CADPS2: variants seen among roughly 807,000 people sequenced by gnomAD.
The protein encoded by CADPS2 is calcium-dependent secretion activator 2.
Under a neutral mutation model 172.5 loss-of-function variants are expected in CADPS2, and 93 were observed. The ratio of observed to expected loss-of-function variants is 0.54; its 90% confidence interval spans 0.46 to 0.64. The LOEUF (loss-of-function observed/expected upper bound fraction) is 0.64, where lower values mean the gene tolerates loss of function less well. Ranked by LOEUF, CADPS2 falls within the 30% of genes least tolerant of loss-of-function variation. CADPS2 has a pLI of 0.00. For synonymous variants in CADPS2, 546 were observed against 555.2 expected, an observed-to-expected ratio of 0.98 and a Z score of 0.23; for missense variants, 1,420 against 1,565.9, an observed-to-expected ratio of 0.91 and a Z score of 1.57.
chr7:122,449,780 A>G lies in CADPS2; in HGVS notation c.2288+1594T>C, dbSNP rs190530059. 2.9e-3 allele frequency among the ~76,000 whole-genome samples: 449 copies of G among 152,312 alleles called. 1 individual carries two copies. Among genetic ancestry groups the G allele is most frequent in the African/African-American group, 9.8e-3 (409 of 41,570 alleles). On this transcript the variant is annotated intron_variant, in intron 15 of 29. Coordinates refer to ENST00000449022, the MANE Select transcript of CADPS2 (RefSeq NM_017954.11). ...ATGCTATCTACAACAGTGTTTCCTA[A>G]TGTAAATTTACTGGCCTTTTTGGGC...
chr7:122,765,744 AT>A (rs2093528749), intron 1 of CADPS2, among the ~76,000 whole-genome samples: 1 of 152,150 alleles, frequency 6.6e-6, no homozygotes, highest in Non-Finnish European at 1.5e-5. Flanking sequence ...ATCTAAACTC[AT>A]TTAATCATCA....
At position 122,663,517 on chromosome 7, in the gene CADPS2, G is replaced by C; in HGVS notation, c.506C>G (p.Ser169Cys). The change falls in exon 3 of 30, where the codon TCT becomes TGT. Residue 169 changes from serine (S) to cysteine (C), a missense_variant. Ser to Cys is a moderately radical substitution (Grantham distance 112). Coordinates refer to ENST00000449022, the MANE Select transcript of CADPS2 (RefSeq NM_017954.11). ...VARMVQSGGCSANDFREVFKK... is the reference protein window; with the variant it reads ...VARMVQSGGCCANDFREVFKK... ...AAATACTTCTCTGAAGTCATTAGCA[G>C]AACACCCTCCACTCTGTACCATTCT... 1.2e-6 allele frequency: 2 copies of C among 1,606,954 alleles called. No homozygotes were observed. The highest frequency in any genetic ancestry group is 1.7e-6 in the Non-Finnish European group (2 of 1,176,000).
chr7:122,506,183 T>A (rs888414593), intron 9 of CADPS2, among the ~76,000 whole-genome samples: 21 of 152,340 alleles, frequency 1.4e-4, no homozygotes, highest in African/African-American at 5.0e-4. Flanking sequence ...TTTGACCTAT[T>A]CTGATCCGGT....
At chr7:122,773,596 T>C (rs2139149835) in intron 1 of CADPS2, among the ~76,000 whole-genome samples, 1 of 152,186 alleles carries the variant, frequency 6.6e-6, no homozygotes, top group African/African-American at 2.4e-5. Context: ...CAAAAAAGGC[T>C]TCCTAAAAGA....
intron 1 of CADPS2, among the ~76,000 whole-genome samples, chr7:122,769,723 G>A (rs1217262585): frequency 6.6e-6 from 1 of 152,140 alleles, no homozygotes; most frequent in East Asian, 1.9e-4. Flanking sequence ...GGGCAATACG[G>A]GATCGCACAA....
chr7:122,763,577 C>G (rs2093457829), intron 1 of CADPS2, among the ~76,000 whole-genome samples: 1 of 152,176 alleles, frequency 6.6e-6, no homozygotes, highest in South Asian at 2.1e-4. Flanking sequence ...TAAAGGTAAA[C>G]TCCATTATTC....
intron 14 of CADPS2, among the ~76,000 whole-genome samples, chr7:122,462,896 T>C (rs1461069769): frequency 2.0e-5 from 3 of 152,152 alleles, no homozygotes; most frequent in Non-Finnish European, 4.4e-5. Flanking sequence ...GGAAGATCAC[T>C]TGAGCCCAGG....
chr7:122,599,978 C>T (rs2072501729), intron 6 of CADPS2, among the ~76,000 whole-genome samples: 1 of 152,078 alleles, frequency 6.6e-6, no homozygotes, highest in South Asian at 2.1e-4. Context: ...ATAAATATTC[C>T]TAGATCAGAT....
At chr7:122,769,548 C>A (rs2093651324) in intron 1 of CADPS2, among the ~76,000 whole-genome samples, 1 of 152,172 alleles carries the variant, frequency 6.6e-6, no homozygotes, top group Non-Finnish European at 1.5e-5. Flanking sequence ...CGGAGAATTC[C>A]TCCTCTAAAT....
chr7:122,616,943 A>C (rs75462212), intron 5 of CADPS2, among the ~76,000 whole-genome samples: 1,718 of 152,346 alleles, frequency 0.011, 16 homozygotes, highest in Middle Eastern at 0.027. Context: ...ACTTCTTAAT[A>C]ATAAAAATGT....
chr7:122,845,027 A>C (rs1811604608), intron 1 of CADPS2, among the ~76,000 whole-genome samples: 1 of 152,158 alleles, frequency 6.6e-6, no homozygotes, highest in Non-Finnish European at 1.5e-5. Context: ...TTAAAACTTC[A>C]AATAAGGCTT....
At chr7:122,687,344 T>C (rs947335850) in intron 2 of CADPS2, among the ~76,000 whole-genome samples, 1 of 152,206 alleles carries the variant, frequency 6.6e-6, no homozygotes, top group African/African-American at 2.4e-5. Flanking sequence ...TCTTCCACTG[T>C]GCATTTCTTT....
intron 8 of CADPS2, among the ~76,000 whole-genome samples, chr7:122,540,077 G>C (rs956222771): frequency 6.6e-6 from 1 of 151,784 alleles, no homozygotes; most frequent in African/African-American, 2.4e-5. Context: ...ATTTATTTTA[G>C]CTGCGTATTT....
rs140314598 is a variant in CADPS2 at position 122,606,706 on chromosome 7, A to C, written c.1223+8475T>G. Among the ~76,000 whole-genome samples the C allele has an allele frequency of 1.0e-3, 154 of 152,186 alleles. 3 individuals carry two copies. The East Asian group carries it at 0.027, about 27-fold the overall frequency. Reference sequence around the variant, plus strand: ...AAAAAGTAGTATGATTAGAGTACTGAGTGCCTACTGAGCCATACTATTGTG... The same window carrying C: ...AAAAAGTAGTATGATTAGAGTACTGCGTGCCTACTGAGCCATACTATTGTG... On this transcript the variant is annotated intron_variant, in intron 6 of 29. Coordinates refer to ENST00000449022, the MANE Select transcript of CADPS2 (RefSeq NM_017954.11).
rs377524580 is a variant in CADPS2, at chr7:122,474,393, G to T, written c.1986C>A (p.Ser662=). The change falls in exon 13 of 30, where the codon TCC becomes TCA. Residue 662 remains serine, a synonymous_variant. Transcript: ENST00000449022. ...RQTLDHRLND[S]YSCLGWFSPG... ...GACTTGTACTCACCAAGCAAGAATA[G>T]GAATCATTCAGTCTGTGATCCAAAG... 5.0e-6 allele frequency: 8 copies of T among 1,613,336 alleles called. No individual in the cohort carries two copies. The highest frequency in any genetic ancestry group is 6.8e-6 in the Non-Finnish European group (8 of 1,179,584).
At chr7:122,493,575 G>C (rs1372978908) in intron 9 of CADPS2, among the ~76,000 whole-genome samples, 1 of 152,186 alleles carries the variant, frequency 6.6e-6, no homozygotes, top group East Asian at 1.9e-4. Context: ...CTAGTACACA[G>C]TGTGGGTGAC....
intron 18 of CADPS2, among the ~76,000 whole-genome samples, chr7:122,415,473 A>G (rs562889196): frequency 7.9e-5 from 12 of 152,250 alleles, no homozygotes; most frequent in Admixed American, 3.3e-4. Context: ...AAATGCACTC[A>G]GTGTTAACTA....
At chr7:122,717,195 G>A (rs2089733832) in intron 2 of CADPS2, among the ~76,000 whole-genome samples, 1 of 151,992 alleles carries the variant, frequency 6.6e-6, no homozygotes, top group Non-Finnish European at 1.5e-5. Flanking sequence ...ATAATTGTGA[G>A]TTAATTTTTC....
intron 1 of CADPS2, among the ~76,000 whole-genome samples, chr7:122,743,755 A>G (rs1321020206): frequency 6.6e-6 from 1 of 152,226 alleles, no homozygotes; most frequent in Non-Finnish European, 1.5e-5. Flanking sequence ...AAAACGCTAA[A>G]GGATCAGTAC....
Sources: gnomAD v4.1 joint callset for allele counts (sites outside exome capture counted in the v4.1 genomes callset) on GRCh38, gnomAD v4.1.1 for gene constraint, MANE v1.5 for transcripts, NCBI Gene and HGNC (gene_info 2026-07-23, HGNC 2026-07-21) for gene names.